The following NTM variants were observed in gnomAD, a reference collection of about 807,000 sequenced individuals.
NTM encodes the protein IgLON family member 2.
In NTM, 13 loss-of-function variants were observed where a neutral mutation model predicts 42.1. The observed-to-expected ratio is 0.31, with a 90% CI of 0.20 to 0.49. The LOEUF (loss-of-function observed/expected upper bound fraction) is 0.49. Ranked by LOEUF, NTM falls within the 20% of genes least tolerant of loss-of-function variation. NTM has a pLI of 0.99. For missense variants in NTM, 373 were observed against 452.8 expected, an observed-to-expected ratio of 0.82 and a Z score of 1.60; for synonymous variants, 187 against 179.2, an observed-to-expected ratio of 1.04 and a Z score of -0.35.
intron 1 of NTM, among the ~76,000 whole-genome samples, chr11:131,562,726 A>G (rs1259523913): frequency 6.6e-6 from 1 of 152,230 alleles, no homozygotes; most frequent in Non-Finnish European, 1.5e-5. Context: ...AAGTAATCCC[A>G]TTAACAGTGG....
At chr11:131,807,307 T>C (rs1408978544) in intron 1 of NTM, among the ~76,000 whole-genome samples, 1 of 152,208 alleles carries the variant, frequency 6.6e-6, no homozygotes, top group Non-Finnish European at 1.5e-5. Flanking sequence ...CTATATTTTT[T>C]TGAAAGCCAT....
intron 1 of NTM, among the ~76,000 whole-genome samples, chr11:131,518,379 C>T (rs1292599730): frequency 2.0e-5 from 3 of 152,136 alleles, no homozygotes; most frequent in Non-Finnish European, 4.4e-5. Context: ...TCATTCTGCA[C>T]GTGGGCTGTA....
At chr11:132,219,635 C>A (rs181526325) in intron 4 of NTM, among the ~76,000 whole-genome samples, 1 of 151,996 alleles carries the variant, frequency 6.6e-6, no homozygotes, top group Non-Finnish European at 1.5e-5. Context: ...GCCCTCCCCC[C>A]CCACTGTCTT....
intron 1 of NTM, among the ~76,000 whole-genome samples, chr11:131,642,197 C>A (rs906044317): frequency 7.2e-5 from 11 of 152,140 alleles, no homozygotes; most frequent in African/African-American, 2.7e-4. Context: ...AAGCAGGCAA[C>A]ATGGAGCCTC....
chr11:131,855,481 A>C (rs1408891185), intron 1 of NTM, among the ~76,000 whole-genome samples: 2 of 152,214 alleles, frequency 1.3e-5, no homozygotes, highest in East Asian at 3.8e-4. Flanking sequence ...ATTCCAGCAA[A>C]GAAAACAAAA....
At chr11:131,991,520 G>A (rs2067018143) in intron 2 of NTM, among the ~76,000 whole-genome samples, 1 of 152,160 alleles carries the variant, frequency 6.6e-6, no homozygotes, top group South Asian at 2.1e-4. Flanking sequence ...CATAAGCATA[G>A]CCCATATCCT....
chr11:132,180,476 T>C (rs1456463983), intron 3 of NTM, among the ~76,000 whole-genome samples: 2 of 152,108 alleles, frequency 1.3e-5, no homozygotes, highest in East Asian at 3.9e-4. Flanking sequence ...ATGATAGAAA[T>C]TTTTATACAA....
intron 1 of NTM, among the ~76,000 whole-genome samples, chr11:131,602,116 T>C (rs571239320): frequency 6.6e-5 from 10 of 152,244 alleles, no homozygotes; most frequent in Non-Finnish European, 1.3e-4. Context: ...CATCCCTGTA[T>C]GGATGGCAGA....
intron 4 of NTM, among the ~76,000 whole-genome samples, chr11:132,258,198 T>G (rs957356245): frequency 6.6e-6 from 1 of 152,048 alleles, no homozygotes; most frequent in African/African-American, 2.4e-5. Context: ...TGGAAACGAG[T>G]TGGTCTGGCA....
chr11:131,540,004 C>T (rs1168897926), intron 1 of NTM, among the ~76,000 whole-genome samples: 1 of 152,186 alleles, frequency 6.6e-6, no homozygotes, highest in African/African-American at 2.4e-5. Context: ...CCTTAGCTCC[C>T]ACCTCATCCT....
At chr11:131,840,873 A>G (rs901978900) in intron 1 of NTM, among the ~76,000 whole-genome samples, 5 of 152,188 alleles carry the variant, frequency 3.3e-5, no homozygotes, top group African/African-American at 1.2e-4. Context: ...GCCATCGGGC[A>G]AATCTGAGAA....
chr11:132,318,841 A>T (rs906035103), intron 7 of NTM, among the ~76,000 whole-genome samples: 2 of 152,146 alleles, frequency 1.3e-5, no homozygotes, highest in African/African-American at 4.8e-5. Context: ...GGATGGCTGT[A>T]GACTTTGGAG....
chr11:132,085,593 A>G (rs1370762278), intron 2 of NTM, among the ~76,000 whole-genome samples: 1 of 152,268 alleles, frequency 6.6e-6, no homozygotes, highest in Non-Finnish European at 1.5e-5. Flanking sequence ...TTAAAGTCAC[A>G]TGAACTAAAA....
At chr11:132,293,085 A>T (rs1483101592) in intron 4 of NTM, among the ~76,000 whole-genome samples, 1 of 152,196 alleles carries the variant, frequency 6.6e-6, no homozygotes, top group Non-Finnish European at 1.5e-5. Flanking sequence ...CGAGGAGGTC[A>T]CAGAGAATAG....
At chr11:131,664,012 G>A (rs1592429246) in intron 1 of NTM, among the ~76,000 whole-genome samples, 1 of 152,202 alleles carries the variant, frequency 6.6e-6, no homozygotes, top group Non-Finnish European at 1.5e-5. Context: ...AAGAGCAGAA[G>A]GTGACAGGAA....
intron 2 of NTM, among the ~76,000 whole-genome samples, chr11:131,958,383 G>A (rs1348817186): frequency 1.3e-5 from 2 of 152,116 alleles, no homozygotes; most frequent in African/African-American, 4.8e-5. Context: ...AGACCGCACA[G>A]GTAAGCCAAA....
chr11:131,923,339 A>G (rs1227799108), intron 2 of NTM, among the ~76,000 whole-genome samples: 1 of 152,226 alleles, frequency 6.6e-6, no homozygotes, highest in African/African-American at 2.4e-5. Context: ...TGTTGAGTGA[A>G]TGAAACGTTT....
At chr11:132,249,172 A>G (rs182783106) in intron 4 of NTM, among the ~76,000 whole-genome samples, 23 of 152,356 alleles carry the variant, frequency 1.5e-4, no homozygotes, top group Admixed American at 1.3e-3. Context: ...TCAGCAAAGC[A>G]ATCATATTCT....
At position 132,226,160 on chromosome 11, in the gene NTM, C is replaced by T. The variant is rs148430577; in HGVS notation, c.526+14013C>T. Among the ~76,000 whole-genome samples, 23 of 152,186 alleles carry T rather than the reference C, an allele frequency of 1.5e-4. No homozygotes were observed. The East Asian group carries it at 2.7e-3, about 18-fold the overall frequency. On this transcript the variant is annotated intron_variant, in intron 4 of 8. Coordinates refer to ENST00000683400, the MANE Select transcript of NTM (RefSeq NM_001352005.2). ...AAGTCTTTGCTATTGTGAACAGTTC[C>T]GTAATAAACATACAAGTGCATGTGT...
Sources: allele counts gnomAD v4.1 joint callset (sites outside exome capture counted in the v4.1 genomes callset), GRCh38; gene constraint gnomAD v4.1.1; transcripts MANE v1.5; gene names NCBI Gene and HGNC (gene_info 2026-07-23, HGNC 2026-07-21).